The following MBD5 variants were observed in gnomAD, a reference collection of about 807,000 sequenced individuals.
MBD5 encodes methyl-CpG-binding domain protein 5.
Under a neutral mutation model 117.3 loss-of-function variants are expected in MBD5, and 13 were observed. That is an observed-to-expected ratio of 0.11 (90% confidence interval 0.07 to 0.18). The LOEUF (loss-of-function observed/expected upper bound fraction) is 0.18, where lower values mean the gene tolerates loss of function less well. Among genes scored for constraint, MBD5 ranks in the 10% least tolerant of loss-of-function variants. The pLI is 1.00. For synonymous variants in MBD5, 727 were observed against 766.4 expected (o/e 0.95, Z 0.85); for missense variants, 1,879 against 2,093.8 (o/e 0.90, Z 2.00).
intron 1 of MBD5, among the ~76,000 whole-genome samples, chr2:148,108,414 G>A (rs994478722): frequency 1.3e-5 from 2 of 151,812 alleles, no homozygotes; most frequent in Admixed American, 6.6e-5. Flanking sequence ...CTCTATAAAT[G>A]TTTGCTACTG....
At chr2:148,433,705 T>C (rs1476765151) in intron 4 of MBD5, among the ~76,000 whole-genome samples, 6 of 152,218 alleles carry the variant, frequency 3.9e-5, no homozygotes, top group Non-Finnish European at 8.8e-5. Context: ...GGAGCTTTCT[T>C]GATCGTGGTG....
chr2:148,371,280 A>G (rs1217216146), intron 4 of MBD5, among the ~76,000 whole-genome samples: 2 of 152,158 alleles, frequency 1.3e-5, no homozygotes, highest in African/African-American at 4.8e-5. Context: ...ATGATTTTAT[A>G]GAATTAAATC....
rs867635131 is a variant in MBD5, at chr2:148,368,993, A to C, written c.-557+26657A>C. Among the ~76,000 whole-genome samples, 4 of 152,194 alleles carry C rather than the reference A, an allele frequency of 2.6e-5. No individual in the cohort carries two copies. In the South Asian group the frequency reaches 6.2e-4, roughly 24 times the overall value. ...CATAGTTACCACCACCAATATTGTAATAAACTTTCATTTCCTGTGTCTCCT... is the reference window on the plus strand; with the variant it reads ...CATAGTTACCACCACCAATATTGTACTAAACTTTCATTTCCTGTGTCTCCT... On this transcript the variant is annotated intron_variant, in intron 4 of 13. Coordinates refer to ENST00000642680, the MANE Select transcript of MBD5 (RefSeq NM_001378120.1).
In MBD5 at chr2:148,483,672, A is replaced by T; in HGVS notation, c.3081A>T (p.Thr1027=). ...QQQNTPLPSL[T]QMTAPPDHLP... ...AAAATACCCCTTTACCCTCATTAAC[A>T]CAGATGACAGCCCCACCAGACCATT... The change falls in exon 9 of 14, where the codon ACA becomes ACT. Residue 1027 remains threonine (T), a synonymous_variant. Coordinates refer to ENST00000642680, the MANE Select transcript of MBD5 (RefSeq NM_001378120.1). 6.4e-7 allele frequency: 1 copy of T among 1,550,692 alleles called. No individual in the cohort carries two copies. Among genetic ancestry groups the T allele is most frequent in the Middle Eastern group, 1.7e-4 (1 of 5,992 alleles).
At chr2:148,271,616 C>T (rs1411571761) in intron 3 of MBD5, among the ~76,000 whole-genome samples, 2 of 152,078 alleles carry the variant, frequency 1.3e-5, no homozygotes, top group Non-Finnish European at 2.9e-5. Context: ...AAATTTTTCT[C>T]TAATTTCCGT....
intron 4 of MBD5, among the ~76,000 whole-genome samples, chr2:148,435,114 G>A (rs1008605087): frequency 2.0e-5 from 3 of 151,950 alleles, no homozygotes; most frequent in Non-Finnish European, 2.9e-5. Flanking sequence ...TATTTTCTTG[G>A]TAGATTTTTC....
At chr2:148,443,878 T>A (rs1358568104) in intron 4 of MBD5, among the ~76,000 whole-genome samples, 1 of 151,234 alleles carries the variant, frequency 6.6e-6, no homozygotes, top group African/African-American at 2.5e-5. Flanking sequence ...TTGTACATTT[T>A]AAAATAACTG....
At chr2:148,145,438 A>G (rs1291220412) in intron 1 of MBD5, among the ~76,000 whole-genome samples, 1 of 152,040 alleles carries the variant, frequency 6.6e-6, no homozygotes, top group East Asian at 1.9e-4. Flanking sequence ...AATACCCTTT[A>G]TTTCCTTCTC....
At position 148,469,680 on chromosome 2, in the gene MBD5, A is replaced by G; in HGVS notation, c.1737A>G (p.Leu579=). The G allele has an allele frequency of 6.2e-7, 1 of 1,613,898 alleles. No individual in the cohort carries two copies. Among genetic ancestry groups the G allele is most frequent in the Non-Finnish European group, 8.5e-7 (1 of 1,179,884 alleles). ...CTGCCTCCTTTCCAGCAAGTAGTTT[A>G]CTCTCAGCAGCAGCCAAAGCACAGC... ...HNAASFPASS[L]LSAAAKAQLA... is the part of the protein sequence containing the mutation. The change falls in exon 8 of 14, where the codon TTA becomes TTG. Residue 579 remains leucine (L), a synonymous_variant. Coordinates refer to ENST00000642680, the MANE Select transcript of MBD5 (RefSeq NM_001378120.1).
chr2:148,197,566 G>C (rs925014502), intron 2 of MBD5, among the ~76,000 whole-genome samples: 3 of 152,154 alleles, frequency 2.0e-5, no homozygotes, highest in African/African-American at 7.2e-5. Context: ...CAAAGAGCAT[G>C]TTAGTTCTAT....
chr2:148,102,725 CACACAGAGAGAGAG>C (rs1458697234), intron 1 of MBD5, among the ~76,000 whole-genome samples: 1 of 69,036 alleles, frequency 1.4e-5, no homozygotes, highest in African/African-American at 4.9e-5. Flanking sequence ...CACACACACA[CACACAGAGAGAGAG>C]AGAGAGAGAG....
chr2:148,163,366 C>T (rs901774896), intron 1 of MBD5, among the ~76,000 whole-genome samples: 5 of 152,096 alleles, frequency 3.3e-5, no homozygotes, highest in Non-Finnish European at 5.9e-5. Flanking sequence ...TGATTTCCAT[C>T]GGTTAATTTG....
rs368068488 is a variant in MBD5, at chr2:148,108,639, A to G, written c.-924-70061A>G. ...TGCTTGCCGTACCACTTTCAGTACC[A>G]GTCTTAACTTAATCTTGTCCTCAGC... is the stretch of plus-strand genomic sequence containing the variant. On this transcript the variant is annotated intron_variant, in intron 1 of 13. Transcript: ENST00000642680. Among the ~76,000 whole-genome samples, 10 of 152,194 alleles carry G rather than the reference A, an allele frequency of 6.6e-5. No homozygotes were observed. The East Asian group carries it at 1.7e-3, about 26-fold the overall frequency.
intron 4 of MBD5, among the ~76,000 whole-genome samples, chr2:148,420,697 ATGTTTTGTTTTGTTT>A (rs3076613): frequency 0.01 from 1,499 of 147,486 alleles, 26 homozygotes; most frequent in African/African-American, 0.032. Flanking sequence ...CTGATAAGTC[ATGTTTTGTTTTGTTT>A]TGTTTTGTTT....
chr2:148,159,730 G>T (rs1004120332), intron 1 of MBD5, among the ~76,000 whole-genome samples: 1 of 152,120 alleles, frequency 6.6e-6, no homozygotes, highest in Admixed American at 6.5e-5. Flanking sequence ...CCTCTTCCGT[G>T]ACAATTCCTA....
intron 1 of MBD5, among the ~76,000 whole-genome samples, chr2:148,152,951 T>C (rs557841085): frequency 2.6e-5 from 4 of 152,130 alleles, no homozygotes; most frequent in African/African-American, 7.2e-5. Flanking sequence ...TTAAAGTTAA[T>C]ATTGTTATGT....
chr2:148,443,704 A>G (rs182700772), intron 4 of MBD5, among the ~76,000 whole-genome samples: 20 of 151,200 alleles, frequency 1.3e-4, no homozygotes, highest in East Asian at 9.7e-4. Context: ...TTGAACTCAT[A>G]GAAATAGAAA....
chr2:148,080,474 G>A (rs1298018726), intron 1 of MBD5, among the ~76,000 whole-genome samples: 1 of 152,020 alleles, frequency 6.6e-6, no homozygotes, highest in South Asian at 2.1e-4. Flanking sequence ...ACAACTTTTT[G>A]CTCTATATAT....
intron 4 of MBD5, among the ~76,000 whole-genome samples, chr2:148,440,666 A>G (rs1474531950): frequency 6.6e-6 from 1 of 152,244 alleles, no homozygotes; most frequent in African/African-American, 2.4e-5. Context: ...TATGTACCTG[A>G]CAATTTGTTT....
Sources: gnomAD v4.1 joint callset for allele counts (sites outside exome capture counted in the v4.1 genomes callset) on GRCh38, gnomAD v4.1.1 for gene constraint, MANE v1.5 for transcripts, NCBI Gene and HGNC (gene_info 2026-07-23, HGNC 2026-07-21) for gene names.